Variants in PIRT observed in about 807,000 individuals in gnomAD.
PIRT encodes phosphoinositide-interacting protein.
A neutral mutation model predicts 7.9 loss-of-function variants in PIRT; 6 were observed. That is an observed-to-expected ratio of 0.76 (90% confidence interval 0.42 to 1.51). The LOEUF is 1.51. Ranked by LOEUF, PIRT falls within the 40% of genes most tolerant of loss-of-function variation. The pLI, the probability that PIRT is intolerant of heterozygous loss-of-function variation, is 0.01. For missense variants in PIRT, 170 were observed against 172.9 expected (o/e 0.98, Z 0.09); for synonymous variants, 78 against 71.8 (o/e 1.09, Z -0.44).
chr17:10,826,321 G>A (rs1905312706), intron 1 of PIRT, among the ~76,000 whole-genome samples: 1 of 152,172 alleles, frequency 6.6e-6, no homozygotes, highest in Non-Finnish European at 1.5e-5. Context: ...CTAGTTGTCT[G>A]ATCTTGATGG....
intron 1 of PIRT, among the ~76,000 whole-genome samples, chr17:10,833,877 C>T (rs914770671): frequency 6.6e-6 from 1 of 152,070 alleles, no homozygotes; most frequent in Non-Finnish European, 1.5e-5. Context: ...GGAAAAAGTG[C>T]TTGACATTGA....
In PIRT at chr17:10,824,502, G is replaced by A. The variant is rs1211115744; in HGVS notation, c.*730C>T. 1.3e-5 allele frequency: 2 copies of A among 152,250 alleles called. No homozygotes were observed. Among genetic ancestry groups the A allele is most frequent in the African/African-American group, 4.8e-5 (2 of 41,456 alleles). 9.4% of individuals were successfully genotyped at this position (152,250 alleles called of 1,614,324 possible). A position where few individuals can be genotyped will look rare whatever the true frequency, so the allele number is the denominator to read the frequency against. ...CTAATGATCAAGTTCAGAGAAGACAGTGGTCAATGAGAAAGATAAGGTCAA... is the reference window on the plus strand; with the variant it reads ...CTAATGATCAAGTTCAGAGAAGACAATGGTCAATGAGAAAGATAAGGTCAA... On this transcript the variant is annotated 3_prime_UTR_variant, in exon 2 of 2. Transcript: ENST00000580256.
chr17:10,831,287 A>T (rs1454781641), intron 1 of PIRT, among the ~76,000 whole-genome samples: 1 of 152,152 alleles, frequency 6.6e-6, no homozygotes, highest in Non-Finnish European at 1.5e-5. Context: ...CACTGTAGGG[A>T]GTTGAATTGT....
intron 1 of PIRT, among the ~76,000 whole-genome samples, chr17:10,835,878 C>A (rs1358356175): frequency 6.7e-6 from 1 of 150,158 alleles, no homozygotes; most frequent in Non-Finnish European, 1.5e-5. Context: ...AGCACAGGCT[C>A]AGAGCTGCCA....
rs2840173 is a variant in PIRT at position 10,823,841 on chromosome 17, G to A, written c.*1391C>T. 0.2 allele frequency: 29,948 copies of A among 152,164 alleles called. 3,686 individuals are homozygous for A. Among genetic ancestry groups the A allele is most frequent in the Non-Finnish European group, 0.27 (18,488 of 67,990 alleles). 9.4% of individuals were successfully genotyped at this position (152,164 alleles called of 1,614,324 possible). ...CAGGAGAAGCTGCGCTAGGCACTTG[G>A]TGAAGAGGTGGGAAGCCGGGAAAGA... On this transcript the variant is annotated 3_prime_UTR_variant, in exon 2 of 2. Coordinates refer to ENST00000580256, the MANE Select transcript of PIRT (RefSeq NM_001101387.2).
In PIRT at chr17:10,825,538, C is replaced by T. The variant is rs377456230; in HGVS notation, c.108G>A (p.Arg36=). The change falls in exon 2 of 2, where the codon AGG becomes AGA. Residue 36 remains arginine (R), a synonymous_variant. Coordinates refer to ENST00000580256, the MANE Select transcript of PIRT (RefSeq NM_001101387.2). ...QTASSLCISS[R]SESVWTTTPR... ...GGGTGGTGGTCCAGACAGACTCGCT[C>T]CTGGAGCTGATGCACAGGGAGCTGG... is the stretch of plus-strand genomic sequence containing the variant. 152 of 1,610,906 alleles carry T rather than the reference C, an allele frequency of 9.4e-5. No individual in the cohort carries two copies. The highest frequency in any genetic ancestry group is 1.2e-4 in the Non-Finnish European group (140 of 1,178,468).
intron 1 of PIRT, among the ~76,000 whole-genome samples, chr17:10,834,188 AAAAAAG>A (rs933459594): frequency 2.6e-5 from 4 of 152,206 alleles, no homozygotes; most frequent in Non-Finnish European, 4.4e-5. Flanking sequence ...TAAAAAAGAA[AAAAAAG>A]AAAAAGAAAA....
chr17:10,824,989 C>G lies in PIRT; in HGVS notation c.*243G>C. ...TGCAGGGGCAGGGGGTTAGAGTGAC[C>G]AAAGGGAAGGCCACAGCCGGGATCC... On this transcript the variant is annotated 3_prime_UTR_variant, in exon 2 of 2. Transcript: ENST00000580256. 1.8e-6 allele frequency: 1 copy of G among 562,900 alleles called. No individual in the cohort carries two copies. The highest frequency in any genetic ancestry group is 2.4e-5 in the South Asian group (1 of 41,874). 34.9% of individuals were successfully genotyped at this position (562,900 alleles called of 1,614,324 possible).
chr17:10,832,007 A>G (rs1207235735), intron 1 of PIRT, among the ~76,000 whole-genome samples: 2 of 152,226 alleles, frequency 1.3e-5, no homozygotes, highest in Non-Finnish European at 2.9e-5. Flanking sequence ...GCACCAAGAA[A>G]CAGTGCCAGT....
chr17:10,824,877 G>C lies in PIRT; in HGVS notation c.*355C>G, dbSNP rs978265716. On this transcript the variant is annotated 3_prime_UTR_variant, in exon 2 of 2. Coordinates refer to ENST00000580256, the MANE Select transcript of PIRT (RefSeq NM_001101387.2). ...CTGGCACTCAGATATGTAAACATGA[G>C]GTTCTCCCTTGGGCATAGCCCACCT... 1 of 249,754 alleles carries C rather than the reference G, an allele frequency of 4.0e-6. No individual in the cohort carries two copies. 15.5% of individuals were successfully genotyped at this position (249,754 alleles called of 1,614,324 possible). A position where few individuals can be genotyped will look rare whatever the true frequency, so the allele number is the denominator to read the frequency against.
At position 10,822,802 on chromosome 17, in the gene PIRT, A is replaced by C. The variant is rs1237128548; in HGVS notation, c.*2430T>G. 1 of 152,182 alleles carries C rather than the reference A, an allele frequency of 6.6e-6. No individual in the cohort carries two copies. Among genetic ancestry groups the C allele is most frequent in the East Asian group, 1.9e-4 (1 of 5,186 alleles). 9.4% of individuals were successfully genotyped at this position (152,182 alleles called of 1,614,324 possible). On this transcript the variant is annotated 3_prime_UTR_variant, in exon 2 of 2. Transcript: ENST00000580256. The stretch of plus-strand genomic sequence containing the variant: ...AGCCCACACTCATGTGGAGGATCCC[A>C]GTGGGGATGACGATGTTTGGGGATA...
chr17:10,829,961 G>T (rs1222841390), intron 1 of PIRT, among the ~76,000 whole-genome samples: 1 of 140,352 alleles, frequency 7.1e-6, no homozygotes, highest in Non-Finnish European at 1.6e-5. Flanking sequence ...GTAGATGTCT[G>T]TCTGTCTATC....
At chr17:10,836,187 G>A (rs183492669) in intron 1 of PIRT, among the ~76,000 whole-genome samples, 18 of 152,320 alleles carry the variant, frequency 1.2e-4, no homozygotes, top group African/African-American at 4.3e-4. Context: ...ACAGGCGTGA[G>A]CTACTGCACC....
intron 1 of PIRT, among the ~76,000 whole-genome samples, chr17:10,836,973 C>T (rs1905606401): frequency 6.6e-6 from 1 of 152,146 alleles, no homozygotes; most frequent in African/African-American, 2.4e-5. Flanking sequence ...GCTGTCTTCC[C>T]CTCACCAGGA....
chr17:10,824,994 G>T lies in PIRT; in HGVS notation c.*238C>A. On this transcript the variant is annotated 3_prime_UTR_variant, in exon 2 of 2. Coordinates refer to ENST00000580256, the MANE Select transcript of PIRT (RefSeq NM_001101387.2). ...GGGCAGGGGGTTAGAGTGACCAAAGGGAAGGCCACAGCCGGGATCCAAGGA... is the reference window on the plus strand; with the variant it reads ...GGGCAGGGGGTTAGAGTGACCAAAGTGAAGGCCACAGCCGGGATCCAAGGA... 1 of 573,270 alleles carries T rather than the reference G, an allele frequency of 1.7e-6. No homozygotes were observed. The highest frequency in any genetic ancestry group is 3.0e-6 in the Non-Finnish European group (1 of 328,638). The allele number at this position is 573,270 out of a possible 1,614,324, so 35.5% of individuals were successfully genotyped here.
chr17:10,831,889 G>A (rs1014792085), intron 1 of PIRT, among the ~76,000 whole-genome samples: 2 of 152,152 alleles, frequency 1.3e-5, no homozygotes, highest in Non-Finnish European at 2.9e-5. Context: ...CTGGAGAAGG[G>A]CGGATGGGTC....
chr17:10,833,234 T>C (rs1302699990), intron 1 of PIRT, among the ~76,000 whole-genome samples: 1 of 152,130 alleles, frequency 6.6e-6, no homozygotes, highest in Non-Finnish European at 1.5e-5. Context: ...GGATCCTGGG[T>C]CTAACCTAAA....
rs1310277043 is a variant in PIRT, at chr17:10,822,756, G to T, written c.*2476C>A. On this transcript the variant is annotated 3_prime_UTR_variant, in exon 2 of 2. Transcript: ENST00000580256. Reference sequence around the variant, plus strand: ...CATTGGCAAAAAATGTCCTGCCTCAGTGTGACCCTGGAACCTTTCCAGCCC... The same window carrying T: ...CATTGGCAAAAAATGTCCTGCCTCATTGTGACCCTGGAACCTTTCCAGCCC... 2 of 152,190 alleles carry T rather than the reference G, an allele frequency of 1.3e-5. No homozygotes were observed. The highest frequency in any genetic ancestry group is 2.9e-5 in the Non-Finnish European group (2 of 68,042). The allele number at this position is 152,190 out of a possible 1,614,324, so 9.4% of individuals were successfully genotyped here.
chr17:10,825,456 C>T lies in PIRT; in HGVS notation c.190G>A (p.Ala64Thr). 1.2e-6 allele frequency: 2 copies of T among 1,613,966 alleles called. No individual in the cohort carries two copies. The highest frequency in any genetic ancestry group is 8.5e-7 in the Non-Finnish European group (1 of 1,179,880). The part of the protein sequence containing the change: ...KPIVIMSVGG[A>T]ILLFGVVITC... ...ATGACCACGCCGAAAAGCAGGATGG[C>T]ACCGCCCACTGACATGATAACGATG... is the stretch of plus-strand genomic sequence containing the variant. The change falls in exon 2 of 2, where the codon GCC becomes ACC. Residue 64 changes from alanine (A) to threonine (T), a missense_variant. By Grantham distance (58) the Ala-to-Thr change is moderately conservative. Coordinates refer to ENST00000580256, the MANE Select transcript of PIRT (RefSeq NM_001101387.2).
Sources: gnomAD v4.1 joint callset for allele counts (sites outside exome capture counted in the v4.1 genomes callset) on GRCh38, gnomAD v4.1.1 for gene constraint, MANE v1.5 for transcripts, NCBI Gene and HGNC (gene_info 2026-07-23, HGNC 2026-07-21) for gene names.